The following VCAN variants were observed in gnomAD, a reference collection of about 807,000 sequenced individuals.
VCAN encodes the protein versican.
Under a neutral mutation model 245.5 loss-of-function variants are expected in VCAN, and 44 were observed. The ratio of observed to expected loss-of-function variants is 0.18; its 90% CI spans 0.14 to 0.23. VCAN has a LOEUF of 0.23. Ranked by LOEUF, VCAN falls within the 10% of genes least tolerant of loss-of-function variation. VCAN has a pLI of 1.00. For missense variants in VCAN, 3,793 were observed against 4,057.9 expected, an observed-to-expected ratio of 0.93 and a Z score of 1.77; for synonymous variants, 1,413 against 1,437.0, an observed-to-expected ratio of 0.98 and a Z score of 0.38.
intron 3 of VCAN, among the ~76,000 whole-genome samples, chr5:83,491,439 C>G (rs1026558650): frequency 3.3e-5 from 5 of 151,986 alleles, no homozygotes; most frequent in African/African-American, 1.2e-4. Flanking sequence ...TTTCTGATAC[C>G]CTTTTATATT....
At chr5:83,513,184 G>A (rs1028092137) in intron 6 of VCAN, among the ~76,000 whole-genome samples, 4 of 152,104 alleles carry the variant, frequency 2.6e-5, no homozygotes, top group Non-Finnish European at 5.9e-5. Context: ...AAGTAATCTA[G>A]CATCTCATTG....
intron 1 of VCAN, among the ~76,000 whole-genome samples, chr5:83,483,268 C>G (rs1230951631): frequency 2.6e-5 from 4 of 152,158 alleles, no homozygotes; most frequent in African/African-American, 4.8e-5. Context: ...AAACTGTATT[C>G]TGGAATGATT....
intron 3 of VCAN, among the ~76,000 whole-genome samples, chr5:83,492,844 C>T (rs1259847838): frequency 1.3e-5 from 2 of 152,216 alleles, no homozygotes; most frequent in Admixed American, 1.3e-4. Flanking sequence ...GTCTACTCAA[C>T]ATTTTAAAAT....
chr5:83,540,495 A>G lies in VCAN; in HGVS notation c.7492A>G (p.Ser2498Gly). ...GCCTCTTCATTCAGAGCAGAACAAA[A>G]GCTCCCCTGATCCAACTAGCACACT... ...MLPLHSEQNK[S>G]SPDPTSTLSN... Residue 2498 changes from serine (S) to glycine (G), a missense_variant, in exon 8 of 15, where the codon AGC (serine) becomes GGC (glycine). Around this residue, in one of 5 missense-constraint regions of VCAN, gnomAD observed 3,182 missense variants for 3,250.3 expected, o/e 0.98. Transcript: ENST00000265077. The G allele has an allele frequency of 6.2e-7, 1 of 1,613,934 alleles. No homozygotes were observed. The highest frequency in any genetic ancestry group is 1.3e-5 in the African/African-American group (1 of 75,016).
chr5:83,484,869 A>G (rs1175207642), intron 2 of VCAN, among the ~76,000 whole-genome samples: 1 of 152,186 alleles, frequency 6.6e-6, no homozygotes, highest in African/African-American at 2.4e-5. Flanking sequence ...GAGAATGATA[A>G]TGAGGAACCA....
At chr5:83,476,930 T>C (rs948408288) in intron 1 of VCAN, among the ~76,000 whole-genome samples, 4 of 152,194 alleles carry the variant, frequency 2.6e-5, no homozygotes, top group African/African-American at 9.6e-5. Flanking sequence ...GAGGTGTTTA[T>C]GTCTATAAAA....
chr5:83,532,673 C>T (rs1459519206), intron 7 of VCAN, among the ~76,000 whole-genome samples: 5 of 151,792 alleles, frequency 3.3e-5, no homozygotes, highest in African/African-American at 1.2e-4. Flanking sequence ...GTAATGGTAC[C>T]CCTGCACTCT....
intron 6 of VCAN, 51 bp downstream of exon 6, chr5:83,512,447 G>A (rs1464890715): frequency 5.0e-6 from 8 of 1,590,224 alleles, no homozygotes; most frequent in Admixed American, 1.7e-5. Context: ...AAAATGCTTC[G>A]AAGCATGCAT....
At chr5:83,495,024 A>G (rs1745113685) in intron 5 of VCAN, among the ~76,000 whole-genome samples, 1 of 152,202 alleles carries the variant, frequency 6.6e-6, no homozygotes, top group Admixed American at 6.5e-5. Flanking sequence ...ATGGAATAGA[A>G]GTTTCTACAA....
At chr5:83,474,402 C>A (rs1744306869) in intron 1 of VCAN, among the ~76,000 whole-genome samples, 1 of 152,144 alleles carries the variant, frequency 6.6e-6, no homozygotes, top group Admixed American at 6.5e-5. Context: ...TTTTCCCTTT[C>A]CCAGCGGCAA....
intron 12 of VCAN, among the ~76,000 whole-genome samples, 163 bp from the exon 13 acceptor site, chr5:83,572,253 T>G (rs1221334242): frequency 1.3e-5 from 2 of 152,208 alleles, no homozygotes; most frequent in African/African-American, 4.8e-5. Flanking sequence ...TATTTTCTAC[T>G]CACAGTTTAA....
Position 83,545,635 on chromosome 5 carries a change from G to A in VCAN, c.9364G>A (p.Asp3122Asn), listed in dbSNP as rs770608370. The change falls in exon 9 of 15, where the codon GAC becomes AAC. Residue 3122 changes from aspartate (D) to asparagine (N), a missense_variant. By Grantham distance (23) the Asp-to-Asn change is conservative. Transcript: ENST00000265077. ...CACCTGTGTGCCAGGATACAGCGGAGACCAGTGTGAACTTGGTAAGATGGT... is the reference window on the plus strand; with the variant it reads ...CACCTGTGTGCCAGGATACAGCGGAAACCAGTGTGAACTTGGTAAGATGGT... ...VCTCVPGYSGDQCELDFDECH... is the reference protein window; with the variant it reads ...VCTCVPGYSGNQCELDFDECH... 12 of 1,614,052 alleles carry A rather than the reference G, an allele frequency of 7.4e-6. No homozygotes were observed. The highest frequency in any genetic ancestry group is 5.9e-6 in the Non-Finnish European group (7 of 1,179,900).
intron 7 of VCAN, among the ~76,000 whole-genome samples, chr5:83,522,575 T>G (rs1433425387): frequency 1.3e-5 from 2 of 152,228 alleles, no homozygotes; most frequent in African/African-American, 4.8e-5. Flanking sequence ...CACTGTTACA[T>G]CACTTCAAAA....
In VCAN at chr5:83,540,159, T is replaced by G. The variant is rs754520139; in HGVS notation, c.7156T>G (p.Ser2386Ala). The G allele has an allele frequency of 3.1e-6, 5 of 1,613,834 alleles. No individual in the cohort carries two copies. The highest frequency in any genetic ancestry group is 2.5e-6 in the Non-Finnish European group (3 of 1,179,970). ...TITEQDSNKN[S>A]STAEINETTT... The stretch of plus-strand genomic sequence containing the variant: ...AACTGAACAAGACTCTAACAAGAAT[T>G]CTTCAACAGCAGAAATTAACGAAAC... Residue 2386 changes from serine to alanine, a missense_variant, in exon 8 of 15, where the codon TCT becomes GCT. Physicochemically the swap from Ser to Ala is moderately conservative, Grantham distance 99. Around this residue, in one of 5 missense-constraint regions of VCAN, gnomAD observed 3,182 missense variants for 3,250.3 expected, o/e 0.98. Coordinates refer to ENST00000265077, the MANE Select transcript of VCAN (RefSeq NM_004385.5).
At chr5:83,570,301 C>G (rs1393980224) in intron 12 of VCAN, among the ~76,000 whole-genome samples, 1 of 151,710 alleles carries the variant, frequency 6.6e-6, no homozygotes, top group Non-Finnish European at 1.5e-5. Flanking sequence ...TTAAGGGTCT[C>G]TTGGTTTTTT....
intron 5 of VCAN, among the ~76,000 whole-genome samples, chr5:83,498,159 T>C (rs1745218537): frequency 6.6e-6 from 1 of 152,186 alleles, no homozygotes; most frequent in Non-Finnish European, 1.5e-5. Context: ...TCCAGCACTT[T>C]GACAGGCCTA....
chr5:83,484,894 G>A (rs922207546), intron 2 of VCAN, among the ~76,000 whole-genome samples: 1 of 152,178 alleles, frequency 6.6e-6, no homozygotes, highest in Non-Finnish European at 1.5e-5. Context: ...GCCAAGACCT[G>A]TCTGTAAGTT....
At chr5:83,565,142 T>C (rs989315753) in intron 12 of VCAN, among the ~76,000 whole-genome samples, 1 of 152,136 alleles carries the variant, frequency 6.6e-6, no homozygotes, top group Non-Finnish European at 1.5e-5. Flanking sequence ...CAGGCACAAA[T>C]TTGAACTGTA....
chr5:83,514,693 A>G (rs1268924927), intron 6 of VCAN, among the ~76,000 whole-genome samples: 1 of 152,162 alleles, frequency 6.6e-6, no homozygotes, highest in East Asian at 1.9e-4. Flanking sequence ...TCCTGACCTC[A>G]GGTGATCCAC....
Sources: gnomAD v4.1 joint callset for allele counts (sites outside exome capture counted in the v4.1 genomes callset) on GRCh38, gnomAD v4.1.1 for gene constraint, gnomAD v4.1.1 regional missense constraint, MANE v1.5 for transcripts, NCBI Gene and HGNC (gene_info 2026-07-23, HGNC 2026-07-21) for gene names.